Variants in PRICKLE1 observed in about 807,000 individuals in gnomAD.
PRICKLE1 encodes prickle-like protein 1.
In PRICKLE1, 14 loss-of-function variants were observed where a neutral mutation model predicts 70.2. That is an observed-to-expected ratio of 0.20 (90% confidence interval 0.13 to 0.31). The LOEUF (loss-of-function observed/expected upper bound fraction) is 0.31, where lower values mean the gene tolerates loss of function less well. Among genes scored for constraint, PRICKLE1 ranks in the 10% least tolerant of loss-of-function variants. The pLI, the probability that PRICKLE1 is intolerant of heterozygous loss-of-function variation, is 1.00. For synonymous variants in PRICKLE1, 357 were observed against 379.9 expected (o/e 0.94, Z 0.70); for missense variants, 821 against 1,026.2 (o/e 0.80, Z 2.73).
chr12:42,460,163 C>A lies in PRICKLE1; in HGVS notation c.2142G>T (p.Gln714His). ...YTPDNYEKFI[Q>H]NKSAREIQAY... ...CTTGGATCTCCCGGGCACTTTTATTCTGTATAAATTTCTCATAGTTATCGG... is the reference window on the plus strand; with the variant it reads ...CTTGGATCTCCCGGGCACTTTTATTATGTATAAATTTCTCATAGTTATCGG... Residue 714 changes from glutamine (Q) to histidine (H), a missense_variant, in exon 8 of 8, where the codon CAG (glutamine) becomes CAT (histidine). By Grantham distance (24) the Gln-to-His change is conservative (BLOSUM62 0). Transcript: ENST00000345127. 6.2e-7 allele frequency: 1 copy of A among 1,614,010 alleles called. No homozygotes were observed. The highest frequency in any genetic ancestry group is 8.5e-7 in the Non-Finnish European group (1 of 1,180,010).
rs1391976096 is a variant in PRICKLE1 at position 42,456,865 on chromosome 12, A to AAT, written c.*2942_*2943dup. ...TCTGTTATTGCTACAAACTGGGATT[A>AAT]ATTTTTAAGCTTCAAAGTTACATTA... is the stretch of plus-strand genomic sequence containing the variant. On this transcript the variant is annotated 3_prime_UTR_variant, in exon 8 of 8. Coordinates refer to ENST00000345127, the MANE Select transcript of PRICKLE1 (RefSeq NM_153026.3). The AAT allele has an allele frequency of 6.6e-6, 1 of 152,142 alleles. No individual in the cohort carries two copies. Among genetic ancestry groups the AAT allele is most frequent in the East Asian group, 1.9e-4 (1 of 5,188 alleles). The allele number at this position is 152,142 out of a possible 1,614,324, so 9.4% of individuals were successfully genotyped here. A position where few individuals can be genotyped will look rare whatever the true frequency, so the allele number is the denominator to read the frequency against.
intron 1 of PRICKLE1, among the ~76,000 whole-genome samples, chr12:42,571,003 A>T (rs958716362): frequency 7.9e-5 from 12 of 152,168 alleles, no homozygotes; most frequent in African/African-American, 2.7e-4. Context: ...GTCAACAATA[A>T]CTCAGTTTAA....
intron 1 of PRICKLE1, among the ~76,000 whole-genome samples, chr12:42,486,753 A>G (rs943820502): frequency 6.6e-6 from 1 of 152,192 alleles, no homozygotes; most frequent in African/African-American, 2.4e-5. Flanking sequence ...TTTTAAGGGT[A>G]AGAGTTAGTT....
At chr12:42,524,821 G>A (rs951436828) in intron 1 of PRICKLE1, 1 of 152,158 alleles carries the variant, frequency 6.6e-6, no homozygotes, top group Non-Finnish European at 1.5e-5. Context: ...TTAAGGACAC[G>A]AATTCTGGAG....
At position 42,510,705 on chromosome 12, in the gene PRICKLE1, T is replaced by C. The variant is rs572375511; in HGVS notation, c.-48-38141A>G. 2.2e-4 allele frequency among the ~76,000 whole-genome samples: 34 copies of C among 152,320 alleles called. No homozygotes were observed. The East Asian group carries it at 6.6e-3, about 29-fold the overall frequency. On this transcript the variant is annotated intron_variant, in intron 1 of 7. Coordinates refer to ENST00000345127, the MANE Select transcript of PRICKLE1 (RefSeq NM_153026.3). The stretch of plus-strand genomic sequence containing the variant: ...TTGATGCTATTTTCCCAAAGATCTT[T>C]ATTGAGATGGGCAATTGGAAGGTTT...
intron 1 of PRICKLE1, among the ~76,000 whole-genome samples, chr12:42,566,254 C>A (rs866191472): frequency 6.6e-6 from 1 of 151,874 alleles, no homozygotes; most frequent in Non-Finnish European, 1.5e-5. Flanking sequence ...GTCCAGGAGG[C>A]AAATTAGATG....
chr12:42,507,430 C>T (rs972931258), intron 1 of PRICKLE1, among the ~76,000 whole-genome samples: 2 of 152,190 alleles, frequency 1.3e-5, no homozygotes, highest in African/African-American at 4.8e-5. Flanking sequence ...CACTGGGACA[C>T]CACAACTTGT....
intron 1 of PRICKLE1, among the ~76,000 whole-genome samples, chr12:42,502,458 T>C (rs1796344): frequency 0.17 from 26,022 of 151,602 alleles, 2,931 homozygotes; most frequent in African/African-American, 0.31. Context: ...TGAGCACACA[T>C]CACCATGCCT....
rs763029790 is a variant in PRICKLE1, at chr12:42,469,585, T to C, written c.249A>G (p.Val83=). The change falls in exon 4 of 8, where the codon GTA becomes GTG. Residue 83 remains valine (V), a splice_region_variant and synonymous_variant. Transcript: ENST00000345127. ...LYQLPPHDNE[V]RYCQSLSEEE... The stretch of plus-strand genomic sequence containing the variant: ...CTTCACTCAAAGACTGGCAATACCG[T>C]ACCTTCACAGAAAGCAAAACAGAAA... The C allele has an allele frequency of 1.4e-5, 23 of 1,614,006 alleles. No homozygotes were observed. In the East Asian group the frequency reaches 5.1e-4, roughly 36 times the overall value.
intron 1 of PRICKLE1, among the ~76,000 whole-genome samples, chr12:42,527,224 C>T (rs1939821107): frequency 6.9e-6 from 1 of 145,610 alleles, no homozygotes. Flanking sequence ...TCTCTGCCTC[C>T]CAGGTTCAAG....
intron 1 of PRICKLE1, among the ~76,000 whole-genome samples, chr12:42,527,674 A>G (rs1433279661): frequency 6.6e-6 from 1 of 152,156 alleles, no homozygotes; most frequent in Non-Finnish European, 1.5e-5. Flanking sequence ...CAGGAAGTGA[A>G]CAAAGTGGTG....
At chr12:42,537,144 CTT>C (rs1218062224) in intron 1 of PRICKLE1, among the ~76,000 whole-genome samples, 26 of 144,614 alleles carry the variant, frequency 1.8e-4, no homozygotes, top group African/African-American at 5.5e-4. Flanking sequence ...TAAGTAGAGA[CTT>C]TTTTTTTTTT....
chr12:42,579,116 G>C (rs1940855516), intron 1 of PRICKLE1, among the ~76,000 whole-genome samples: 1 of 152,142 alleles, frequency 6.6e-6, no homozygotes. Flanking sequence ...ACAGTACAGA[G>C]GTATCTTCAG....
At position 42,571,363 on chromosome 12, in the gene PRICKLE1, T is replaced by TA. The variant is rs200358662; in HGVS notation, c.-49+18101_-49+18102insT. On this transcript the variant is annotated intron_variant, in intron 1 of 7. Transcript: ENST00000345127. ...GTATTACAGGAATAAAATTACAGGC[T>TA]TTGTCTCCTCCAAGAGAATACAAAA... Among the ~76,000 whole-genome samples, 553 of 152,288 alleles carry TA rather than the reference T, an allele frequency of 3.6e-3. 6 individuals carry two copies. Among genetic ancestry groups the TA allele is most frequent in the East Asian group, 0.034 (176 of 5,182 alleles).
chr12:42,552,802 A>G (rs1157942226), intron 1 of PRICKLE1, among the ~76,000 whole-genome samples: 3 of 152,170 alleles, frequency 2.0e-5, no homozygotes, highest in Non-Finnish European at 2.9e-5. Context: ...GCCGTCCCCA[A>G]TCTTTTTGGC....
In PRICKLE1 at chr12:42,468,665, A is replaced by C; in HGVS notation, c.549T>G (p.His183Gln). 1 of 1,614,098 alleles carries C rather than the reference A, an allele frequency of 6.2e-7. No individual in the cohort carries two copies. The highest frequency in any genetic ancestry group is 8.5e-7 in the Non-Finnish European group (1 of 1,179,990). Residue 183 changes from histidine (H) to glutamine (Q), a missense_variant, in exon 5 of 8, where the codon CAT (histidine) becomes CAG (glutamine). Physicochemically the swap from His to Gln is conservative, Grantham distance 24. Coordinates refer to ENST00000345127, the MANE Select transcript of PRICKLE1 (RefSeq NM_153026.3). ...AGCACCGTGGTTTGAGCAGTTCTGC[A>C]TGGTGCCTGCCACAGTGAATTTTTC... The part of the protein sequence containing the change: ...QDGKIHCGRH[H>Q]AELLKPRCSA...
intron 7 of PRICKLE1, among the ~76,000 whole-genome samples, chr12:42,462,106 C>G (rs1937869278): frequency 6.6e-6 from 1 of 152,120 alleles, no homozygotes; most frequent in Non-Finnish European, 1.5e-5. Flanking sequence ...CCCTATATAA[C>G]TTCATACTTT....
intron 1 of PRICKLE1, among the ~76,000 whole-genome samples, chr12:42,569,101 T>C (rs186959985): frequency 4.3e-4 from 65 of 152,350 alleles, no homozygotes; most frequent in Admixed American, 4.2e-3. Context: ...ATCTTTATTT[T>C]TTGACAGCTG....
At chr12:42,477,482 G>GTGTGTA (rs1350601331) in intron 1 of PRICKLE1, among the ~76,000 whole-genome samples, 6 of 116,374 alleles carry the variant, frequency 5.2e-5, no homozygotes, top group Non-Finnish European at 9.1e-5. Context: ...GTGTGTGTGT[G>GTGTGTA]TATATATATA....
Sources: gnomAD v4.1 joint callset for allele counts (sites outside exome capture counted in the v4.1 genomes callset) on GRCh38, gnomAD v4.1.1 for gene constraint, MANE v1.5 for transcripts, NCBI Gene and HGNC (gene_info 2026-07-23, HGNC 2026-07-21) for gene names.